GLDC: variants seen among roughly 807,000 people sequenced by gnomAD.
GLDC encodes glycine dehydrogenase (decarboxylating), mitochondrial.
GLDC carries 104 observed loss-of-function variants against 121.3 expected under a neutral mutation model. The ratio of observed to expected loss-of-function variants is 0.86; its 90% CI spans 0.73 to 1.01. GLDC has a LOEUF of 1.01. GLDC is among the 50% of genes least tolerant of loss of function. The pLI is 0.00. For missense variants in GLDC, 1,429 were observed against 1,306.6 expected (o/e 1.09, Z -1.44); for synonymous variants, 546 against 480.6 (o/e 1.14, Z -1.78).
chr9:6,596,582 A>G (rs892732516), intron 8 of GLDC, among the ~76,000 whole-genome samples: 1 of 152,166 alleles, frequency 6.6e-6, no homozygotes, highest in Non-Finnish European at 1.5e-5. Context: ...CTCTAAAATA[A>G]ATAAATAAAA....
At chr9:6,560,071 C>G (rs1386313436) in intron 16 of GLDC, among the ~76,000 whole-genome samples, 1 of 152,206 alleles carries the variant, frequency 6.6e-6, no homozygotes, top group Non-Finnish European at 1.5e-5. Flanking sequence ...TTCTCAGACT[C>G]AAATCATCCT....
Position 6,587,165 on chromosome 9 carries a change from T to A in GLDC, c.1826A>T (p.Asp609Val), listed in dbSNP as rs1407108124. Residue 609 changes from aspartate (D) to valine (V), a missense_variant, in exon 15 of 25, where the codon GAC (aspartate) becomes GTC (valine). Physicochemically the swap from Asp to Val is radical, Grantham distance 152. Transcript: ENST00000321612. ...EKDLCELTGY[D>V]QVCFQPNSGA... is the part of the protein sequence containing the mutation. ...CCTGTTTGGCTGGAAACAGACCTGG[T>A]CATAACCTGTGAGTTCACACAAATC... 6.2e-7 allele frequency: 1 copy of A among 1,613,732 alleles called. No homozygotes were observed. Among genetic ancestry groups the A allele is most frequent in the Non-Finnish European group, 8.5e-7 (1 of 1,179,842 alleles).
At chr9:6,627,182 C>G (rs201539155) in intron 2 of GLDC, among the ~76,000 whole-genome samples, 1 of 151,092 alleles carries the variant, frequency 6.6e-6, no homozygotes, top group South Asian at 2.1e-4. Context: ...TGTAGTCCCA[C>G]CTACTCGGGA....
At chr9:6,577,012 T>C (rs544412408) in intron 15 of GLDC, among the ~76,000 whole-genome samples, 1 of 152,148 alleles carries the variant, frequency 6.6e-6, no homozygotes, top group East Asian at 1.9e-4. Context: ...AGAAAGAAAA[T>C]TCACCAAAGA....
intron 3 of GLDC, among the ~76,000 whole-genome samples, chr9:6,617,185 C>T (rs1039539469): frequency 5.3e-5 from 8 of 152,296 alleles, no homozygotes; most frequent in African/African-American, 1.9e-4. Flanking sequence ...TGTGCACAGC[C>T]CTCCCTATCA....
At chr9:6,544,173 A>G (rs1433516845) in intron 21 of GLDC, among the ~76,000 whole-genome samples, 4 of 152,222 alleles carry the variant, frequency 2.6e-5, no homozygotes, top group Non-Finnish European at 5.9e-5. Flanking sequence ...TGAAATCCAC[A>G]GAACATGACT....
chr9:6,565,423 G>A lies in GLDC; in HGVS notation c.1857C>T (p.Ala619=). The A allele has an allele frequency of 6.2e-7, 1 of 1,612,740 alleles. No individual in the cohort carries two copies. The highest frequency in any genetic ancestry group is 8.5e-7 in the Non-Finnish European group (1 of 1,178,798). The change falls in exon 16 of 25, where the codon GCC becomes GCT. Residue 619 remains alanine (A), a synonymous_variant. Coordinates refer to ENST00000321612, the MANE Select transcript of GLDC (RefSeq NM_000170.3). The part of the protein sequence containing the change: ...DQVCFQPNSG[A]QGEYAGLATI... Reference sequence around the variant, plus strand: ...TGGCCAGTCCAGCATATTCTCCCTGGGCTCCGCTTGCAAAGACAAGAAGAA... The same window carrying A: ...TGGCCAGTCCAGCATATTCTCCCTGAGCTCCGCTTGCAAAGACAAGAAGAA...
intron 2 of GLDC, among the ~76,000 whole-genome samples, chr9:6,628,120 C>A (rs372962497): frequency 6.6e-6 from 1 of 152,110 alleles, no homozygotes; most frequent in Non-Finnish European, 1.5e-5. Flanking sequence ...TAAATAAAAC[C>A]CCAAATCCTA....
chr9:6,616,444 A>C (rs538293315), intron 3 of GLDC, among the ~76,000 whole-genome samples: 1 of 152,306 alleles, frequency 6.6e-6, no homozygotes, highest in Non-Finnish European at 1.5e-5. Context: ...TTCTTGTATT[A>C]GTCTAGAGGT....
At chr9:6,629,313 C>T (rs534152995) in intron 2 of GLDC, among the ~76,000 whole-genome samples, 1 of 150,986 alleles carries the variant, frequency 6.6e-6, no homozygotes, top group Non-Finnish European at 1.5e-5. Context: ...CTCCTGGGTT[C>T]AAGCGATTCT....
In GLDC at chr9:6,533,110, A is replaced by C. The variant is rs764054067; in HGVS notation, c.2970T>G (p.Asp990Glu). ...NKFWPTIARIDDIYGDQHLVC... is the reference protein window; with the variant it reads ...NKFWPTIARIEDIYGDQHLVC... ...CCAGGTGCTGATCTCCATATATGTC[A>C]TCAATCCGGGCAATCGTTGGCCAGA... Residue 990 changes from aspartate (D) to glutamate (E), a missense_variant, in exon 25 of 25, where the codon GAT becomes GAG. Transcript: ENST00000321612. 1 of 1,612,452 alleles carries C rather than the reference A, an allele frequency of 6.2e-7. No homozygotes were observed. The highest frequency in any genetic ancestry group is 8.5e-7 in the Non-Finnish European group (1 of 1,178,460).
intron 2 of GLDC, among the ~76,000 whole-genome samples, chr9:6,622,376 C>A (rs1203770282): frequency 6.7e-6 from 1 of 148,374 alleles, no homozygotes; most frequent in Admixed American, 6.7e-5. Context: ...CGAGTGCCTG[C>A]GATTGCAGGC....
chr9:6,644,617 C>G lies in GLDC; in HGVS notation c.331G>C (p.Val111Leu). The G allele has an allele frequency of 5.0e-6, 8 of 1,608,152 alleles. No individual in the cohort carries two copies. The highest frequency in any genetic ancestry group is 6.8e-6 in the Non-Finnish European group (8 of 1,174,612). ...LKRPLKMEDP[V>L]CENEILATLH... ...GGGAGCCCTCCCGGCCACTTACAAACAGGGTCTTCCATTTTCAAGGGTCTT... is the reference window on the plus strand; with the variant it reads ...GGGAGCCCTCCCGGCCACTTACAAAGAGGGTCTTCCATTTTCAAGGGTCTT... The change falls in exon 2 of 25, where the codon GTT (valine) becomes CTT (leucine). Residue 111 changes from valine to leucine, a missense_variant. By Grantham distance (32) the Val-to-Leu change is conservative. Coordinates refer to ENST00000321612, the MANE Select transcript of GLDC (RefSeq NM_000170.3).
At chr9:6,561,840 G>A (rs1817765856) in intron 16 of GLDC, among the ~76,000 whole-genome samples, 1 of 152,202 alleles carries the variant, frequency 6.6e-6, no homozygotes, top group Admixed American at 6.5e-5. Context: ...TGTTGAATGA[G>A]TGAAGGGTTA....
rs535598208 is a variant in GLDC at position 6,594,331 on chromosome 9, G to T, written c.1261+683C>A. On this transcript the variant is annotated intron_variant, in intron 9 of 24. Transcript: ENST00000321612. ...GTTCATCCTTCTTATGTTTGGGGCC[G>T]GTAGGAAAGTAAGAGTTCTACATAT... Among the ~76,000 whole-genome samples the T allele has an allele frequency of 6.6e-4, 100 of 151,828 alleles. 1 individual carries two copies. Among genetic ancestry groups the T allele is most frequent in the East Asian group, 7.7e-4 (4 of 5,176 alleles).
chr9:6,602,768 G>A (rs1277299954), intron 7 of GLDC, among the ~76,000 whole-genome samples: 1 of 152,152 alleles, frequency 6.6e-6, no homozygotes, highest in Non-Finnish European at 1.5e-5. Flanking sequence ...TGGTGACTGG[G>A]AGGATTAAGT....
At chr9:6,614,785 C>T (rs190761785) in intron 3 of GLDC, among the ~76,000 whole-genome samples, 57 of 152,264 alleles carry the variant, frequency 3.7e-4, no homozygotes, top group Non-Finnish European at 6.8e-4. Context: ...GTGTGAACCT[C>T]ATAGAGTGTA....
chr9:6,559,969 C>A (rs1563837548), intron 16 of GLDC, among the ~76,000 whole-genome samples: 1 of 152,184 alleles, frequency 6.6e-6, no homozygotes, highest in African/African-American at 2.4e-5. Flanking sequence ...TTAAGGAAAT[C>A]AAGGCAAAGT....
At chr9:6,586,019 G>A (rs1818263992) in intron 15 of GLDC, among the ~76,000 whole-genome samples, 1 of 152,146 alleles carries the variant, frequency 6.6e-6, no homozygotes, top group Non-Finnish European at 1.5e-5. Context: ...TTCTAGGCCA[G>A]GCGTGGTGGC....
Sources: allele counts gnomAD v4.1 joint callset (sites outside exome capture counted in the v4.1 genomes callset), GRCh38; gene constraint gnomAD v4.1.1; transcripts MANE v1.5; gene names NCBI Gene and HGNC (gene_info 2026-07-23, HGNC 2026-07-21).